Variants in ATP10A observed in about 807,000 individuals in gnomAD.
The protein encoded by ATP10A is phospholipid-transporting ATPase VA.
A neutral mutation model predicts 147.8 loss-of-function variants in ATP10A; 111 were observed. The observed-to-expected ratio is 0.75, with a 90% CI of 0.64 to 0.88. The LOEUF (loss-of-function observed/expected upper bound fraction) is 0.88. Among genes scored for constraint, ATP10A ranks in the 40% least tolerant of loss-of-function variants. ATP10A has a pLI of 0.00. For synonymous variants in ATP10A, 875 were observed against 841.6 expected (o/e 1.04, Z -0.69); for missense variants, 1,927 against 1,959.0 (o/e 0.98, Z 0.31).
chr15:25,837,528 A>T (rs1171738411), intron 1 of ATP10A, among the ~76,000 whole-genome samples: 1 of 152,180 alleles, frequency 6.6e-6, no homozygotes. Flanking sequence ...GTCACAGGGC[A>T]GGAAGTTTCA....
chr15:25,717,371 T>C (rs1277759986), intron 8 of ATP10A, among the ~76,000 whole-genome samples: 1 of 152,230 alleles, frequency 6.6e-6, no homozygotes, highest in Non-Finnish European at 1.5e-5. Flanking sequence ...TTTGCTGATG[T>C]AAATTACACA....
chr15:25,705,225 T>C (rs1372122587), intron 12 of ATP10A, among the ~76,000 whole-genome samples: 2 of 151,844 alleles, frequency 1.3e-5, no homozygotes, highest in African/African-American at 2.4e-5. Context: ...AGGATCACGT[T>C]AAACCAGGAG....
At chr15:25,798,533 T>C (rs1338802064) in intron 1 of ATP10A, among the ~76,000 whole-genome samples, 1 of 152,178 alleles carries the variant, frequency 6.6e-6, no homozygotes, top group African/African-American at 2.4e-5. Flanking sequence ...TGTAATTAAA[T>C]GACCCTGCAA....
At chr15:25,843,951 C>T (rs1328903371) in intron 1 of ATP10A, among the ~76,000 whole-genome samples, 2 of 152,138 alleles carry the variant, frequency 1.3e-5, no homozygotes, top group Non-Finnish European at 2.9e-5. Flanking sequence ...TTTTAGAGTG[C>T]TTGTCTGAAA....
chr15:25,766,430 G>A (rs1356890842), intron 2 of ATP10A, among the ~76,000 whole-genome samples: 1 of 152,084 alleles, frequency 6.6e-6, no homozygotes, highest in African/African-American at 2.4e-5. Flanking sequence ...GTGTCTCACT[G>A]TGCTGTGGTC....
At chr15:25,826,257 C>G (rs1445933501) in intron 1 of ATP10A, among the ~76,000 whole-genome samples, 1 of 152,072 alleles carries the variant, frequency 6.6e-6, no homozygotes, top group Admixed American at 6.6e-5. Context: ...GAAGAAAGTA[C>G]AGTTGAAAAA....
At chr15:25,853,859 A>G (rs1030159242) in intron 1 of ATP10A, among the ~76,000 whole-genome samples, 2 of 151,922 alleles carry the variant, frequency 1.3e-5, no homozygotes, top group Non-Finnish European at 2.9e-5. Flanking sequence ...CAAAACAACC[A>G]AAAACAAGAC....
In ATP10A at chr15:25,679,858, C is replaced by T. The variant is rs369977237; in HGVS notation, c.3983G>A (p.Gly1328Glu). The T allele has an allele frequency of 6.2e-7, 1 of 1,610,446 alleles. No homozygotes were observed. Among genetic ancestry groups the T allele is most frequent in the Non-Finnish European group, 8.5e-7 (1 of 1,179,968 alleles). ...CSAPKETFAQ[G>E]RLPKDSGTEH... is the part of the protein sequence containing the mutation. ...GGTTCCCGAGTCCTTCGGGAGGCGT[C>T]CCTGAGCAAAGGTCTCTTTGGGAGC... Residue 1328 changes from glycine to glutamate, a missense_variant, in exon 21 of 21, where the codon GGA becomes GAA. By Grantham distance (98) the Gly-to-Glu change is moderately conservative. Transcript: ENST00000555815.
At chr15:25,814,710 C>A (rs1319623277) in intron 1 of ATP10A, among the ~76,000 whole-genome samples, 1 of 152,208 alleles carries the variant, frequency 6.6e-6, no homozygotes, top group Non-Finnish European at 1.5e-5. Flanking sequence ...AATAAGCCTT[C>A]TTTAAGTTAA....
intron 2 of ATP10A, among the ~76,000 whole-genome samples, chr15:25,742,425 A>G (rs1439414360): frequency 6.6e-6 from 1 of 152,216 alleles, no homozygotes; most frequent in African/African-American, 2.4e-5. Flanking sequence ...GCAGAAAGGC[A>G]GCTTTTCCCT....
chr15:25,808,542 G>A (rs1056280541), intron 1 of ATP10A, among the ~76,000 whole-genome samples: 31 of 152,132 alleles, frequency 2.0e-4, no homozygotes, highest in Admixed American at 6.5e-4. Context: ...GCGCCACCAC[G>A]CCTGGCTAAT....
intron 1 of ATP10A, among the ~76,000 whole-genome samples, chr15:25,843,196 T>G (rs1892881906): frequency 6.6e-6 from 1 of 151,594 alleles, no homozygotes; most frequent in African/African-American, 2.4e-5. Flanking sequence ...CCATGAACCC[T>G]AGGAGACGCA....
chr15:25,827,030 G>T (rs1248101672), intron 1 of ATP10A, among the ~76,000 whole-genome samples: 1 of 152,176 alleles, frequency 6.6e-6, no homozygotes, highest in Non-Finnish European at 1.5e-5. Flanking sequence ...AGTGATGCAA[G>T]TCATACAAGG....
In ATP10A at chr15:25,840,596, T is replaced by TA. The variant is rs536549816; in HGVS notation, c.449+22051dup. Among the ~76,000 whole-genome samples the TA allele has an allele frequency of 7.9e-5, 12 of 151,642 alleles. No individual in the cohort carries two copies. In the South Asian group the frequency reaches 8.4e-4, roughly 11 times the overall value. On this transcript the variant is annotated intron_variant, in intron 1 of 20. Transcript: ENST00000555815. Reference sequence around the variant, plus strand: ...TTATTTCCAGTGTTGGGTTATTATTTAAAAAAAAATGCTGCGATGAACATT... The same window carrying TA: ...TTATTTCCAGTGTTGGGTTATTATTTAAAAAAAAAATGCTGCGATGAACATT...
intron 1 of ATP10A, among the ~76,000 whole-genome samples, chr15:25,796,030 C>T (rs1399838078): frequency 6.6e-6 from 1 of 152,196 alleles, no homozygotes; most frequent in African/African-American, 2.4e-5. Flanking sequence ...TGCCATGCTT[C>T]CTGTACAGCC....
intron 1 of ATP10A, among the ~76,000 whole-genome samples, chr15:25,855,541 A>ACACAC (rs1893474308): frequency 6.8e-6 from 1 of 145,992 alleles, no homozygotes; most frequent in Non-Finnish European, 1.5e-5. Flanking sequence ...TATTGGTTAA[A>ACACAC]ACACACACAC....
At chr15:25,761,643 T>A (rs1463230400) in intron 2 of ATP10A, among the ~76,000 whole-genome samples, 1 of 152,244 alleles carries the variant, frequency 6.6e-6, no homozygotes, top group Non-Finnish European at 1.5e-5. Context: ...ATTTTGGAGC[T>A]TTAAGATTTA....
intron 1 of ATP10A, among the ~76,000 whole-genome samples, chr15:25,804,179 G>A (rs1165057212): frequency 6.7e-6 from 1 of 149,612 alleles, no homozygotes; most frequent in Non-Finnish European, 1.5e-5. Context: ...GTGATGTGAG[G>A]CTGTGTTTGT....
At chr15:25,835,094 C>G (rs1892533964) in intron 1 of ATP10A, among the ~76,000 whole-genome samples, 1 of 152,044 alleles carries the variant, frequency 6.6e-6, no homozygotes, top group Non-Finnish European at 1.5e-5. Context: ...GAGACCCAGT[C>G]TCTACCAAAA....
Sources: allele counts gnomAD v4.1 joint callset (sites outside exome capture counted in the v4.1 genomes callset), GRCh38; gene constraint gnomAD v4.1.1; transcripts MANE v1.5; gene names NCBI Gene and HGNC (gene_info 2026-07-23, HGNC 2026-07-21).